The following CD69 variants were observed in gnomAD, a reference collection of about 807,000 sequenced individuals.
The protein encoded by CD69 is early activation antigen CD69.
In CD69, 10 loss-of-function variants were observed where a neutral mutation model predicts 21.4. That is an observed-to-expected ratio of 0.47 (90% confidence interval 0.29 to 0.79). The LOEUF (loss-of-function observed/expected upper bound fraction) is 0.79. Among genes scored for constraint, CD69 ranks in the 30% least tolerant of loss-of-function variants. CD69 has a pLI of 0.09. For synonymous variants in CD69, 63 were observed against 78.2 expected (o/e 0.81, Z 1.03); for missense variants, 204 against 236.9 (o/e 0.86, Z 0.91).
intron 1 of CD69, among the ~76,000 whole-genome samples, chr12:9,759,552 T>A (rs997607378): frequency 6.6e-6 from 1 of 151,654 alleles, no homozygotes; most frequent in Non-Finnish European, 1.5e-5. Context: ...ATGGCTCGCC[T>A]GATTACCTGA....
chr12:9,760,867 C>A lies in CD69; in HGVS notation c.-47G>T. On this transcript the variant is annotated 5_prime_UTR_variant, in exon 1 of 5. Transcript: ENST00000228434. The stretch of plus-strand genomic sequence containing the variant: ...GTTAATCTCAGGTCAAGTCAAGCTA[C>A]AGTGAAAGTCTTTGCTGGAGCTCTT... The A allele has an allele frequency of 6.7e-7, 1 of 1,488,530 alleles. No homozygotes were observed. The highest frequency in any genetic ancestry group is 1.1e-5 in the South Asian group (1 of 88,614). The allele number at this position is 1,488,530 out of a possible 1,614,324, so 92.2% of individuals were successfully genotyped here.
At position 9,753,488 on chromosome 12, in the gene CD69, TA is replaced by T; in HGVS notation, c.592del (p.Tyr198ThrfsTer34). The T allele has an allele frequency of 1.5e-6, 2 of 1,371,616 alleles. No homozygotes were observed. Among genetic ancestry groups the T allele is most frequent in the African/African-American group, 1.4e-5 (1 of 69,800 alleles). 85.0% of individuals were successfully genotyped at this position (1,371,616 alleles called of 1,614,324 possible). A position where few individuals can be genotyped will look rare whatever the true frequency, so the allele number is the denominator to read the frequency against. On this transcript the variant is annotated frameshift_variant, in exon 5 of 5. Coordinates refer to ENST00000228434, the MANE Select transcript of CD69 (RefSeq NM_001781.2). LOFTEE classifies it high-confidence loss of function. ...KNLYWICNKPYK is the reference protein window; with the variant it reads ...KNLYWICNKPXK ...AGTGAACATGTTTCCTTATTATTTG[TA>T]AGGTTTGTTACATATCCAGTATAAA... is the stretch of plus-strand genomic sequence containing the variant.
intron 1 of CD69, among the ~76,000 whole-genome samples, chr12:9,760,410 C>T (rs1226856430): frequency 6.6e-6 from 1 of 152,080 alleles, no homozygotes; most frequent in Non-Finnish European, 1.5e-5. Context: ...AGAAAGTTTT[C>T]TAATTAAATC....
At position 9,754,665 on chromosome 12, in the gene CD69, C is replaced by T. The variant is rs767215920; in HGVS notation, c.413G>A (p.Arg138Lys). 4.3e-6 allele frequency: 7 copies of T among 1,611,304 alleles called. No homozygotes were observed. The highest frequency in any genetic ancestry group is 5.1e-6 in the Non-Finnish European group (6 of 1,177,436). Residue 138 changes from arginine to lysine, a missense_variant, in exon 4 of 5, where the codon AGA (arginine) becomes AAA (lysine). By Grantham distance (26) the Arg-to-Lys change is conservative. Transcript: ENST00000228434. ...TTTCAGTCCAACCCAGTGTTCCTCTCTACCTGCGTATCGTTTTAGAAAGTT... is the reference window on the plus strand; with the variant it reads ...TTTCAGTCCAACCCAGTGTTCCTCTTTACCTGCGTATCGTTTTAGAAAGTT... ...DMNFLKRYAGREEHWVGLKKE... is the reference protein window; with the variant it reads ...DMNFLKRYAGKEEHWVGLKKE...
chr12:9,754,917 G>A, intron 3 of CD69, 145 bp downstream of exon 3: 3 of 736,600 alleles, frequency 4.1e-6, no homozygotes, highest in Non-Finnish European at 6.7e-6. Flanking sequence ...CTGATCATAT[G>A]GTTCTCTGGG....
intron 1 of CD69, among the ~76,000 whole-genome samples, chr12:9,757,082 AAAAT>A (rs909306105): frequency 4.3e-4 from 66 of 152,272 alleles, no homozygotes; most frequent in Middle Eastern, 3.4e-3. Flanking sequence ...CTTGTCTAAA[AAAAT>A]AAATAAATAA....
At chr12:9,759,579 C>A (rs770355523) in intron 1 of CD69, among the ~76,000 whole-genome samples, 1 of 151,778 alleles carries the variant, frequency 6.6e-6, no homozygotes, top group Non-Finnish European at 1.5e-5. Context: ...GCATGCTTTG[C>A]ATTTGTAATC....
At chr12:9,753,851 T>TGTC (rs1866651549) in intron 4 of CD69, among the ~76,000 whole-genome samples, 1 of 152,190 alleles carries the variant, frequency 6.6e-6, no homozygotes, top group Admixed American at 6.5e-5. Flanking sequence ...TCTTGGTCAT[T>TGTC]TCTGAGTTCA....
intron 1 of CD69, among the ~76,000 whole-genome samples, chr12:9,759,944 A>G (rs1449604362): frequency 6.6e-6 from 1 of 152,220 alleles, no homozygotes; most frequent in Non-Finnish European, 1.5e-5. Flanking sequence ...GAAGAGAGGA[A>G]AATTTCTAAG....
intron 3 of CD69, 38 bp downstream of exon 3, chr12:9,755,024 A>C: frequency 1.3e-6 from 2 of 1,504,172 alleles, no homozygotes; most frequent in South Asian, 2.3e-5. Flanking sequence ...AGCCATATGA[A>C]TTAAAATAGT....
At position 9,755,098 on chromosome 12, in the gene CD69, A is replaced by T. The variant is rs1866668301; in HGVS notation, c.351T>A (p.Gly117=). Residue 117 remains glycine, a synonymous_variant, in exon 3 of 5, where the codon GGT becomes GGA. Coordinates refer to ENST00000228434, the MANE Select transcript of CD69 (RefSeq NM_001781.2). ...TSAQNACSEH[G]ATLAVIDSEK... ...CAGAATCAATGACAGCAAGAGTAGC[A>T]CCATGTTCAGAACAAGCATTTTGGG... The T allele has an allele frequency of 1.2e-6, 2 of 1,614,090 alleles. No individual in the cohort carries two copies. The highest frequency in any genetic ancestry group is 1.7e-6 in the Non-Finnish European group (2 of 1,179,960).
chr12:9,755,553 T>A (rs1357366998), intron 2 of CD69, among the ~76,000 whole-genome samples: 1 of 152,228 alleles, frequency 6.6e-6, no homozygotes, highest in Admixed American at 6.5e-5. Context: ...TTGGACTAGA[T>A]ATTTCTTTGG....
rs1024949732 is a variant in CD69 at position 9,754,985 on chromosome 12, C to T, written c.387+77G>A. ...TGTTTGTTTGTTTGTTTGTTTTCTC[C>T]ACTTAGAAACGGAAGGAAAGCACTG... On this transcript the variant is annotated intron_variant, in intron 3 of 4. Coordinates refer to ENST00000228434, the MANE Select transcript of CD69 (RefSeq NM_001781.2). The T allele has an allele frequency of 3.2e-5, 39 of 1,208,290 alleles. 1 individual carries two copies. The highest frequency in any genetic ancestry group is 4.5e-5 in the Non-Finnish European group (37 of 829,108). 74.8% of individuals were successfully genotyped at this position (1,208,290 alleles called of 1,614,324 possible).
chr12:9,753,511 TA>T lies in CD69; in HGVS notation c.569del (p.Leu190TyrfsTer42). On this transcript the variant is annotated frameshift_variant, in exon 5 of 5. Transcript: ENST00000228434. LOFTEE classifies it high-confidence loss of function. ...TGTAAGGTTTGTTACATATCCAGTA[TA>T]AATTCTTCTCACATTCCATGCTGCT... The part of the protein sequence containing the change: ...EVSSMECEKN[L>X]YWICNKPYK The T allele has an allele frequency of 6.5e-7, 1 of 1,540,562 alleles. No homozygotes were observed. The highest frequency in any genetic ancestry group is 9.0e-7 in the Non-Finnish European group (1 of 1,114,460).
At chr12:9,760,081 AC>A (rs1866718972) in intron 1 of CD69, among the ~76,000 whole-genome samples, 1 of 152,194 alleles carries the variant, frequency 6.6e-6, no homozygotes, top group Non-Finnish European at 1.5e-5. Context: ...TATAAAGAAT[AC>A]CAAAGCAGGA....
chr12:9,758,835 T>C (rs1866703340), intron 1 of CD69, among the ~76,000 whole-genome samples: 1 of 152,204 alleles, frequency 6.6e-6, no homozygotes, highest in South Asian at 2.1e-4. Flanking sequence ...GACCCGTGGG[T>C]TCCAGAGTCT....
rs1448081430 is a variant in CD69 at position 9,755,103 on chromosome 12, G to T, written c.346C>A (p.His116Asn). The change falls in exon 3 of 5, where the codon CAT (histidine) becomes AAT (asparagine). Residue 116 changes from histidine to asparagine, a missense_variant. Physicochemically the swap from His to Asn is moderately conservative, Grantham distance 68 (BLOSUM62 1). Coordinates refer to ENST00000228434, the MANE Select transcript of CD69 (RefSeq NM_001781.2). ...TCAATGACAGCAAGAGTAGCACCAT[G>T]TTCAGAACAAGCATTTTGGGCTGAA... is the stretch of plus-strand genomic sequence containing the variant. The part of the protein sequence containing the change: ...WTSAQNACSE[H>N]GATLAVIDSE... The T allele has an allele frequency of 1.9e-6, 3 of 1,613,884 alleles. No individual in the cohort carries two copies. In the African/African-American group the frequency reaches 4.0e-5, roughly 22 times the overall value.
chr12:9,755,670 T>G (rs1288981231), intron 2 of CD69, among the ~76,000 whole-genome samples: 1 of 152,172 alleles, frequency 6.6e-6, no homozygotes, highest in Non-Finnish European at 1.5e-5. Flanking sequence ...GCTGGAAAGA[T>G]GGAGAGAGTA....
At chr12:9,758,481 G>A (rs973087425) in intron 1 of CD69, among the ~76,000 whole-genome samples, 1 of 152,046 alleles carries the variant, frequency 6.6e-6, no homozygotes, top group Non-Finnish European at 1.5e-5. Context: ...AGGTAAACTG[G>A]ACCAAGAGAA....
Sources: allele counts gnomAD v4.1 joint callset (sites outside exome capture counted in the v4.1 genomes callset), GRCh38; gene constraint gnomAD v4.1.1; transcripts MANE v1.5; gene names NCBI Gene and HGNC (gene_info 2026-07-23, HGNC 2026-07-21).